The following ERICH1 variants were observed in gnomAD, a reference collection of about 807,000 sequenced individuals.
ERICH1 encodes the protein glutamate-rich protein 1.
Under a neutral mutation model 39.6 loss-of-function variants are expected in ERICH1, and 56 were observed. That is an observed-to-expected ratio of 1.41 (90% CI 1.14 to 1.77). ERICH1 has a LOEUF of 1.77. Ranked by LOEUF, ERICH1 falls within the 40% of genes most tolerant of loss-of-function variation. The pLI, the probability that ERICH1 is intolerant of heterozygous loss-of-function variation, is 0.00. For synonymous variants in ERICH1, 313 were observed against 223.6 expected (o/e 1.40, Z -3.57); for missense variants, 826 against 575.4 (o/e 1.44, Z -4.45).
intron 2 of ERICH1, among the ~76,000 whole-genome samples, chr8:713,372 T>G (rs1010404029): frequency 1.3e-5 from 2 of 152,342 alleles, no homozygotes; most frequent in South Asian, 4.1e-4. Context: ...TACTCCTTAA[T>G]TGGAACGTTA....
intron 3 of ERICH1, among the ~76,000 whole-genome samples, chr8:683,507 G>GCT (rs959866708): frequency 3.9e-5 from 6 of 152,074 alleles, no homozygotes; most frequent in African/African-American, 1.2e-4. Flanking sequence ...ATGGATTCTC[G>GCT]CTCTCTCTCT....
intron 3 of ERICH1, among the ~76,000 whole-genome samples, chr8:683,098 T>TC (rs1806498596): frequency 6.6e-6 from 1 of 152,184 alleles, no homozygotes; most frequent in Non-Finnish European, 1.5e-5. Flanking sequence ...AAGGAAACAC[T>TC]GGAGTCTCAC....
intron 1 of ERICH1, among the ~76,000 whole-genome samples, 165 bp from the exon 2 acceptor site, chr8:716,172 C>A (rs890331728): frequency 1.3e-5 from 2 of 152,260 alleles, no homozygotes; most frequent in African/African-American, 4.8e-5. Context: ...ACCAGGATCC[C>A]CCAGACTCTG....
At chr8:653,956 C>T (rs770522585) in intron 3 of ERICH1, among the ~76,000 whole-genome samples, 8 of 152,022 alleles carry the variant, frequency 5.3e-5, no homozygotes, top group African/African-American at 7.2e-5. Flanking sequence ...GGACAAATCC[C>T]GCAGGGTGGC....
intron 1 of ERICH1, among the ~76,000 whole-genome samples, 193 bp from the exon 2 acceptor site, chr8:716,200 G>A (rs1399161482): frequency 1.3e-5 from 2 of 152,326 alleles, no homozygotes; most frequent in South Asian, 2.1e-4. Context: ...AGGAACCCTT[G>A]AGGCTGGCCC....
intron 3 of ERICH1, among the ~76,000 whole-genome samples, chr8:689,827 G>C (rs532740802): frequency 1.3e-5 from 2 of 152,304 alleles, no homozygotes; most frequent in East Asian, 3.9e-4. Context: ...TATCCCAGCT[G>C]CCCAGAGGAA....
At chr8:619,133 G>T (rs1164265364) in intron 3 of ERICH1, among the ~76,000 whole-genome samples, 1 of 151,872 alleles carries the variant, frequency 6.6e-6, no homozygotes, top group South Asian at 2.1e-4. Context: ...AGAAAATGGG[G>T]GCCCTACTCC....
At chr8:723,121 C>T (rs55705212) in intron 1 of ERICH1, among the ~76,000 whole-genome samples, 24,825 of 152,130 alleles carry the variant, frequency 0.16, 2,419 homozygotes, top group East Asian at 0.47. Flanking sequence ...CTTAAAAGGC[C>T]GGGACCTCCA....
intron 3 of ERICH1, among the ~76,000 whole-genome samples, chr8:679,928 T>A (rs1242403136): frequency 3.3e-4 from 13 of 39,646 alleles, no homozygotes; most frequent in East Asian, 2.0e-3. Context: ...GCCACCCCTG[T>A]GAACACAGAA....
chr8:685,385 G>T (rs975598822), intron 3 of ERICH1, among the ~76,000 whole-genome samples: 1 of 152,114 alleles, frequency 6.6e-6, no homozygotes, highest in Admixed American at 6.5e-5. Context: ...ATTTCATATT[G>T]TTCAAACACA....
Position 681,387 on chromosome 8 carries a change from G to A in ERICH1, c.305-7340C>T, listed in dbSNP as rs535357860. ...TTTAAAACACGTGCCTGCATTTGTGGTGAGACATACCCAGCAGGGGTCACA... is the reference window on the plus strand; with the variant it reads ...TTTAAAACACGTGCCTGCATTTGTGATGAGACATACCCAGCAGGGGTCACA... On this transcript the variant is annotated intron_variant, in intron 3 of 5. Transcript: ENST00000262109. Among the ~76,000 whole-genome samples, 30 of 152,244 alleles carry A rather than the reference G, an allele frequency of 2.0e-4. 1 individual carries two copies. The highest frequency in any genetic ancestry group is 3.4e-4 in the Non-Finnish European group (23 of 68,046).
intron 3 of ERICH1, among the ~76,000 whole-genome samples, chr8:639,907 CTTAA>C (rs1346622547): frequency 4.6e-5 from 7 of 152,216 alleles, no homozygotes; most frequent in African/African-American, 1.4e-4. Flanking sequence ...GCCTCCTGGC[CTTAA>C]TTAAGTTTCT....
intron 4 of ERICH1, among the ~76,000 whole-genome samples, chr8:669,603 G>A (rs1342209805): frequency 6.6e-6 from 1 of 151,924 alleles, no homozygotes; most frequent in Non-Finnish European, 1.5e-5. Flanking sequence ...GCCTCCCCTG[G>A]CCCGTCTACA....
chr8:655,688 CTTCCTTCCTTCCTTCCTTCT>C (rs1477882984), intron 3 of ERICH1, among the ~76,000 whole-genome samples: 1 of 146,426 alleles, frequency 6.8e-6, no homozygotes, highest in Non-Finnish European at 1.5e-5. Flanking sequence ...TCCTTCCTTC[CTTCCTTCCTTCCTTCCTTCT>C]TTCCTTCCTC....
intron 3 of ERICH1, chr8:616,417 C>T (rs13276545): frequency 0.76 from 306,382 of 404,798 alleles, 117,850 homozygotes; most frequent in East Asian, 0.99. Flanking sequence ...TGAGGCTGAC[C>T]GAACCCCGCA....
chr8:716,872 C>A (rs758937672), intron 1 of ERICH1, among the ~76,000 whole-genome samples: 1 of 152,134 alleles, frequency 6.6e-6, no homozygotes, highest in African/African-American at 2.4e-5. Flanking sequence ...GGAGGCTCCA[C>A]GGCCCTACCT....
At chr8:621,430 C>T (rs1001205637) in intron 3 of ERICH1, among the ~76,000 whole-genome samples, 1 of 151,852 alleles carries the variant, frequency 6.6e-6, no homozygotes, top group African/African-American at 2.4e-5. Context: ...AACCATTTAA[C>T]AAGGTATACA....
chr8:730,991 G>A (rs1819855443), intron 1 of ERICH1, 149 bp downstream of exon 1: 2 of 931,438 alleles, frequency 2.1e-6, no homozygotes, highest in African/African-American at 1.7e-5. Context: ...GCGGGGGATG[G>A]GTAGGGACTG....
chr8:706,107 C>G (rs978905229), intron 2 of ERICH1, among the ~76,000 whole-genome samples: 2 of 152,214 alleles, frequency 1.3e-5, no homozygotes, highest in African/African-American at 4.8e-5. Context: ...CAGGCTGTGC[C>G]ACACAGCCCA....
Sources: allele counts gnomAD v4.1 joint callset (sites outside exome capture counted in the v4.1 genomes callset), GRCh38; gene constraint gnomAD v4.1.1; transcripts MANE v1.5; gene names NCBI Gene and HGNC (gene_info 2026-07-23, HGNC 2026-07-21).